The following SPIRE1 variants were observed in gnomAD, a reference collection of about 807,000 sequenced individuals.
SPIRE1 encodes spire type actin nucleation factor 1, also known as protein spire homolog 1.
Under a neutral mutation model 94.1 loss-of-function variants are expected in SPIRE1, and 40 were observed. The observed-to-expected ratio is 0.43, with a 90% CI of 0.33 to 0.55. SPIRE1 has a LOEUF of 0.55. SPIRE1 is among the 20% of genes least tolerant of loss of function. The probability of loss-of-function intolerance (pLI) is 0.06; values close to 1 mark genes in which losing one functional copy is unlikely to be tolerated. For missense variants in SPIRE1, 838 were observed against 975.2 expected, an observed-to-expected ratio of 0.86 and a Z score of 1.87; for synonymous variants, 376 against 371.7, an observed-to-expected ratio of 1.01 and a Z score of -0.13.
chr18:12,661,600 C>T (rs568245080), upstream of SPIRE1, among the ~76,000 whole-genome samples: 4 of 151,918 alleles, frequency 2.6e-5, no homozygotes, highest in South Asian at 6.3e-4. Context: ...GGTGAAACCT[C>T]GTCTCTACTA....
intron 3 of SPIRE1, among the ~76,000 whole-genome samples, chr18:12,544,379 T>TC (rs1395470826): frequency 6.6e-6 from 1 of 151,738 alleles, no homozygotes; most frequent in Non-Finnish European, 1.5e-5. Context: ...TTGTATTTTT[T>TC]TTTTTAGTAG....
intron 2 of SPIRE1, among the ~76,000 whole-genome samples, chr18:12,628,613 G>A (rs2037695389): frequency 6.6e-6 from 1 of 152,122 alleles, no homozygotes; most frequent in Admixed American, 6.5e-5. Flanking sequence ...GATGGGGATG[G>A]CATTGAATCT....
chr18:12,555,916 A>G (rs1325906152), intron 2 of SPIRE1, among the ~76,000 whole-genome samples: 2 of 152,204 alleles, frequency 1.3e-5, no homozygotes, highest in African/African-American at 4.8e-5. Flanking sequence ...TATATTTGGA[A>G]AAACCTAAAT....
intron 1 of SPIRE1, among the ~76,000 whole-genome samples, chr18:12,648,207 G>A (rs1231070396): frequency 1.3e-5 from 2 of 152,106 alleles, no homozygotes; most frequent in Admixed American, 6.6e-5. Context: ...ATCCTTGAAC[G>A]CAGGCTGGAA....
chr18:12,604,766 G>A lies in SPIRE1; in HGVS notation c.372+30296C>T, dbSNP rs572888634. ...TTGGACATAAATCAGATCACATCCT[G>A]TCAATCTGTTGAGAACTCTCTAGTG... On this transcript the variant is annotated intron_variant, in intron 2 of 16. Coordinates refer to ENST00000409402, the MANE Select transcript of SPIRE1 (RefSeq NM_001128626.2). Among the ~76,000 whole-genome samples the A allele has an allele frequency of 7.9e-5, 12 of 152,280 alleles. No individual in the cohort carries two copies. The South Asian group carries it at 2.3e-3, about 29-fold the overall frequency.
At chr18:12,626,435 G>T (rs1258399924) in intron 2 of SPIRE1, among the ~76,000 whole-genome samples, 1 of 152,140 alleles carries the variant, frequency 6.6e-6, no homozygotes, top group Non-Finnish European at 1.5e-5. Context: ...AGTTCCTACA[G>T]TACAGACCCT....
chr18:12,487,069 T>A (rs1598921701), intron 8 of SPIRE1, among the ~76,000 whole-genome samples: 1 of 152,170 alleles, frequency 6.6e-6, no homozygotes, highest in Admixed American at 6.5e-5. Context: ...GCCAGGCTGG[T>A]CTCGAACTCC....
chr18:12,465,092 G>C, intron 10 of SPIRE1, 134 bp from the exon 11 acceptor site: 1 of 712,342 alleles, frequency 1.4e-6, no homozygotes. Flanking sequence ...GCAAGCAAAA[G>C]ACAAACTAGA....
intron 2 of SPIRE1, among the ~76,000 whole-genome samples, chr18:12,550,208 A>C (rs1008133694): frequency 6.6e-6 from 1 of 152,108 alleles, no homozygotes; most frequent in Non-Finnish European, 1.5e-5. Flanking sequence ...CTCCCTTTAC[A>C]AGCAAACCTC....
chr18:12,521,176 A>G (rs2034347473), intron 4 of SPIRE1, among the ~76,000 whole-genome samples: 1 of 152,220 alleles, frequency 6.6e-6, no homozygotes, highest in Admixed American at 6.5e-5. Flanking sequence ...ACATGAATAT[A>G]GTTTTTCATT....
At chr18:12,565,413 C>T (rs547423546) in intron 2 of SPIRE1, among the ~76,000 whole-genome samples, 8 of 152,152 alleles carry the variant, frequency 5.3e-5, no homozygotes, top group South Asian at 2.1e-4. Context: ...CTCGCTCTGT[C>T]GCCCAGGCTG....
chr18:12,474,401 G>C (rs1027915991), intron 10 of SPIRE1, among the ~76,000 whole-genome samples: 2 of 152,142 alleles, frequency 1.3e-5, no homozygotes, highest in African/African-American at 4.8e-5. Context: ...GCCTTCAGGA[G>C]GCCCTGAAGG....
intron 10 of SPIRE1, among the ~76,000 whole-genome samples, chr18:12,479,312 C>T (rs2032753916): frequency 6.6e-6 from 1 of 151,494 alleles, no homozygotes. Flanking sequence ...CTAGCTGGGA[C>T]CAGAGGTATG....
chr18:12,603,455 T>C (rs2036891586), intron 2 of SPIRE1, among the ~76,000 whole-genome samples: 1 of 152,080 alleles, frequency 6.6e-6, no homozygotes, highest in Admixed American at 6.6e-5. Flanking sequence ...CACCCCTAGG[T>C]AGCTTCAGGA....
At chr18:12,503,965 A>G (rs1213952403) in intron 6 of SPIRE1, among the ~76,000 whole-genome samples, 1 of 147,082 alleles carries the variant, frequency 6.8e-6, no homozygotes, top group Non-Finnish European at 1.5e-5. Flanking sequence ...TCTGAGGGCA[A>G]CTAGGGAATA....
At chr18:12,496,123 G>C (rs1421023890) in intron 6 of SPIRE1, 21 bp from the exon 7 acceptor site, 1 of 1,525,910 alleles carries the variant, frequency 6.6e-7, no homozygotes, top group Non-Finnish European at 9.1e-7. Flanking sequence ...ACAAAAAGCA[G>C]AAGATTCATG....
intron 4 of SPIRE1, among the ~76,000 whole-genome samples, chr18:12,533,071 C>T (rs2034732493): frequency 6.6e-6 from 1 of 152,190 alleles, no homozygotes; most frequent in Admixed American, 6.5e-5. Context: ...TGAGGGGACT[C>T]TTTTCAAAAT....
chr18:12,651,419 G>A (rs2038375499), intron 1 of SPIRE1, among the ~76,000 whole-genome samples: 1 of 152,144 alleles, frequency 6.6e-6, no homozygotes, highest in African/African-American at 2.4e-5. Flanking sequence ...GCTCACGCCT[G>A]TAATCCCAGC....
chr18:12,453,242 A>G (rs2031334081), intron 13 of SPIRE1, 104 bp from the exon 14 acceptor site: 1 of 665,078 alleles, frequency 1.5e-6, no homozygotes, highest in Non-Finnish European at 2.5e-6. Context: ...GAAGCTGAAC[A>G]GACAAGAGGA....
Sources: gnomAD v4.1 joint callset for allele counts (sites outside exome capture counted in the v4.1 genomes callset) on GRCh38, gnomAD v4.1.1 for gene constraint, MANE v1.5 for transcripts, NCBI Gene and HGNC (gene_info 2026-07-23, HGNC 2026-07-21) for gene names.